Variants in TMEFF2 observed in about 807,000 individuals in gnomAD.
TMEFF2 encodes the protein tomoregulin-2.
Under a neutral mutation model 53.8 loss-of-function variants are expected in TMEFF2, and 28 were observed. That is an observed-to-expected ratio of 0.52 (90% CI 0.39 to 0.71). The LOEUF is 0.71. Ranked by LOEUF, TMEFF2 falls within the 30% of genes least tolerant of loss-of-function variation. The pLI is 0.00. For synonymous variants in TMEFF2, 162 were observed against 166.3 expected (o/e 0.97, Z 0.20); for missense variants, 353 against 455.2 (o/e 0.78, Z 2.04).
At chr2:192,103,675 A>G (rs1342608619) in intron 4 of TMEFF2, among the ~76,000 whole-genome samples, 1 of 152,062 alleles carries the variant, frequency 6.6e-6, no homozygotes, top group Non-Finnish European at 1.5e-5. Context: ...TGCTATATGA[A>G]CCGTAAATTA....
intron 7 of TMEFF2, among the ~76,000 whole-genome samples, chr2:191,961,512 C>T (rs1360683507): frequency 1.6e-5 from 1 of 62,240 alleles, no homozygotes. Context: ...TAATTTTACC[C>T]TCCCCGACTT....
intron 5 of TMEFF2, among the ~76,000 whole-genome samples, chr2:192,030,031 C>T (rs927855792): frequency 6.6e-6 from 1 of 152,092 alleles, no homozygotes; most frequent in African/African-American, 2.4e-5. Flanking sequence ...ATATCTTAGT[C>T]GCTGGACCAC....
rs569641595 is a variant in TMEFF2 at position 192,058,628 on chromosome 2, G to A, written c.440-853C>T. On this transcript the variant is annotated intron_variant, in intron 4 of 9. Transcript: ENST00000272771. ...TACAAGGAATGAGCAACACTTTCAA[G>A]GTGAATTACCTGTTTTCCCAGTTAA... Among the ~76,000 whole-genome samples, 4 of 152,184 alleles carry A rather than the reference G, an allele frequency of 2.6e-5. No homozygotes were observed. The South Asian group carries it at 8.3e-4, about 32-fold the overall frequency.
chr2:192,015,463 C>G (rs959605893), intron 5 of TMEFF2, among the ~76,000 whole-genome samples: 2 of 151,836 alleles, frequency 1.3e-5, no homozygotes, highest in Non-Finnish European at 2.9e-5. Flanking sequence ...GCAACTGTGG[C>G]TAAATTGCAC....
chr2:192,054,445 C>G (rs985273688), intron 5 of TMEFF2, among the ~76,000 whole-genome samples: 2 of 152,098 alleles, frequency 1.3e-5, no homozygotes, highest in Admixed American at 1.3e-4. Context: ...AATTTATTTT[C>G]TGAAGTACAG....
intron 4 of TMEFF2, among the ~76,000 whole-genome samples, chr2:192,122,970 C>T (rs1689593186): frequency 1.3e-5 from 2 of 152,136 alleles, no homozygotes; most frequent in South Asian, 4.1e-4. Context: ...ACAACTTTGG[C>T]TCTGAGCTCT....
At chr2:191,955,179 G>GAT (rs1692035450) in intron 8 of TMEFF2, among the ~76,000 whole-genome samples, 2 of 147,140 alleles carry the variant, frequency 1.4e-5, no homozygotes, top group Admixed American at 1.4e-4. Flanking sequence ...GAGAGGGAGA[G>GAT]AGAGAGAGAG....
At chr2:191,971,737 G>A (rs1001942703) in intron 7 of TMEFF2, among the ~76,000 whole-genome samples, 1 of 152,158 alleles carries the variant, frequency 6.6e-6, no homozygotes. Flanking sequence ...GGTATAGTAT[G>A]TACAGTGGTG....
chr2:192,099,878 T>C (rs1302794127), intron 4 of TMEFF2, among the ~76,000 whole-genome samples: 6 of 150,866 alleles, frequency 4.0e-5, no homozygotes, highest in Admixed American at 3.3e-4. Flanking sequence ...GGAAAAAATA[T>C]AGACAGCTTT....
intron 5 of TMEFF2, among the ~76,000 whole-genome samples, chr2:192,015,308 CTTTTT>C (rs34696715): frequency 2.5e-4 from 19 of 76,272 alleles, no homozygotes; most frequent in Non-Finnish European, 4.3e-4. Flanking sequence ...ATCACTGAAG[CTTTTT>C]TTTTTTTTTT....
In TMEFF2 at chr2:192,163,955, G is replaced by T. The variant is rs1690692797; in HGVS notation, c.439+15713C>A. 4.6e-5 allele frequency among the ~76,000 whole-genome samples: 7 copies of T among 152,146 alleles called. No individual in the cohort carries two copies. In the South Asian group the frequency reaches 1.5e-3, roughly 32 times the overall value. ...GATAGACATGGCCCCCAGGACATCT[G>T]TCACCTTCTCACCACCTTTGTTGCC... is the stretch of plus-strand genomic sequence containing the variant. On this transcript the variant is annotated intron_variant, in intron 4 of 9. Coordinates refer to ENST00000272771, the MANE Select transcript of TMEFF2 (RefSeq NM_016192.4).
At chr2:192,149,345 A>G (rs982310854) in intron 4 of TMEFF2, among the ~76,000 whole-genome samples, 6 of 151,984 alleles carry the variant, frequency 3.9e-5, no homozygotes, top group African/African-American at 9.7e-5. Flanking sequence ...GCCTCCAAAA[A>G]TATGTACGAG....
chr2:192,095,323 G>A (rs1380071158), intron 4 of TMEFF2, among the ~76,000 whole-genome samples: 2 of 152,034 alleles, frequency 1.3e-5, no homozygotes, highest in African/African-American at 4.8e-5. Context: ...TTTTAAGAGT[G>A]TTCCTTGCAA....
chr2:192,024,924 C>T lies in TMEFF2; in HGVS notation c.537-25716G>A, dbSNP rs1016374858. Among the ~76,000 whole-genome samples, 6 of 152,132 alleles carry T rather than the reference C, an allele frequency of 3.9e-5. No individual in the cohort carries two copies. The East Asian group carries it at 1.2e-3, about 29-fold the overall frequency. The stretch of plus-strand genomic sequence containing the variant: ...TTGCATGGATAATTTCCTATAACCA[C>T]AGGGAGCCAGAGTTGGCTGGTTGGC... On this transcript the variant is annotated intron_variant, in intron 5 of 9. Coordinates refer to ENST00000272771, the MANE Select transcript of TMEFF2 (RefSeq NM_016192.4).
chr2:192,006,429 G>C (rs1686503378), intron 5 of TMEFF2, among the ~76,000 whole-genome samples: 1 of 152,066 alleles, frequency 6.6e-6, no homozygotes, highest in South Asian at 2.1e-4. Flanking sequence ...ACTATTGCTG[G>C]GAAAGAGACT....
intron 5 of TMEFF2, among the ~76,000 whole-genome samples, chr2:192,033,971 T>G (rs935870527): frequency 6.6e-6 from 1 of 151,970 alleles, no homozygotes; most frequent in African/African-American, 2.4e-5. Context: ...GTCAGGAGAT[T>G]GAGACCATCC....
chr2:192,120,406 G>T (rs1016073021), intron 4 of TMEFF2, among the ~76,000 whole-genome samples: 1 of 152,168 alleles, frequency 6.6e-6, no homozygotes. Context: ...AACATGGGAT[G>T]TACATTACAT....
chr2:192,128,040 C>T (rs1689720475), intron 4 of TMEFF2, among the ~76,000 whole-genome samples: 1 of 152,152 alleles, frequency 6.6e-6, no homozygotes, highest in Non-Finnish European at 1.5e-5. Context: ...TATTTCCAAT[C>T]TTGATTTGCC....
At chr2:192,001,879 C>A (rs901273655) in intron 5 of TMEFF2, among the ~76,000 whole-genome samples, 1 of 152,200 alleles carries the variant, frequency 6.6e-6, no homozygotes, top group East Asian at 1.9e-4. Flanking sequence ...TGAAAACAGA[C>A]TAATACAGAC....
Sources: gnomAD v4.1 joint callset for allele counts (sites outside exome capture counted in the v4.1 genomes callset) on GRCh38, gnomAD v4.1.1 for gene constraint, MANE v1.5 for transcripts, NCBI Gene and HGNC (gene_info 2026-07-23, HGNC 2026-07-21) for gene names.